ZNF213: variants seen among roughly 807,000 people sequenced by gnomAD.
ZNF213 encodes the protein putative transcription factor CR53.
A neutral mutation model predicts 46.0 loss-of-function variants in ZNF213; 32 were observed. The ratio of observed to expected loss-of-function variants is 0.70; its 90% CI spans 0.52 to 0.93. The LOEUF (loss-of-function observed/expected upper bound fraction) is 0.93, where lower values mean the gene tolerates loss of function less well. Ranked by LOEUF, ZNF213 falls within the 40% of genes least tolerant of loss-of-function variation. The pLI is 0.00. For missense variants in ZNF213, 639 were observed against 652.8 expected (o/e 0.98, Z 0.23); for synonymous variants, 297 against 271.0 (o/e 1.10, Z -0.94).
At chr16:3,139,374 T>C in intron 5 of ZNF213, 1 of 432,542 alleles carries the variant, frequency 2.3e-6, no homozygotes, top group Non-Finnish European at 4.2e-6. Context: ...TGTCCCCATT[T>C]TACGCATAAG....
intron 1 of ZNF213, among the ~76,000 whole-genome samples, chr16:3,136,488 C>G (rs1262247936): frequency 6.6e-6 from 1 of 152,110 alleles, no homozygotes; most frequent in Non-Finnish European, 1.5e-5. Context: ...GAGGCCGAGG[C>G]GGGTGGATCA....
intron 2 of ZNF213, 175 bp downstream of exon 2, chr16:3,137,854 A>C (rs925203376): frequency 1.3e-6 from 1 of 780,948 alleles, no homozygotes; most frequent in African/African-American, 1.8e-5. Context: ...GATGCGATCC[A>C]AAGTAAATGT....
chr16:3,138,712 T>G, intron 3 of ZNF213, 33 bp from the exon 4 acceptor site: 1 of 1,613,754 alleles, frequency 6.2e-7, no homozygotes, highest in Non-Finnish European at 8.5e-7. Flanking sequence ...AAGCCTGGGC[T>G]GGCCTTTCTA....
At position 3,142,162 on chromosome 16, in the gene ZNF213, C is replaced by T; in HGVS notation, c.*815C>T. 1 of 213,386 alleles carries T rather than the reference C, an allele frequency of 4.7e-6. No homozygotes were observed. The highest frequency in any genetic ancestry group is 5.0e-5 in the South Asian group (1 of 19,952). The allele number at this position is 213,386 out of a possible 1,614,324, so 13.2% of individuals were successfully genotyped here. On this transcript the variant is annotated 3_prime_UTR_variant, in exon 6 of 6. Coordinates refer to ENST00000396878, the MANE Select transcript of ZNF213 (RefSeq NM_004220.3). ...CAGCACTAGCACCTCACTCCATCAG[C>T]ACTAGCACCTCACTCCATCGGCCCC... is the stretch of plus-strand genomic sequence containing the variant.
chr16:3,138,166 C>T (rs1246566959), intron 2 of ZNF213: 2 of 638,860 alleles, frequency 3.1e-6, no homozygotes, highest in South Asian at 2.1e-5. Flanking sequence ...CCAGCTACCC[C>T]CTTGCTAAGT....
At chr16:3,139,284 G>A (rs1596307182) in intron 5 of ZNF213, 186 bp downstream of exon 5, 5 of 840,606 alleles carry the variant, frequency 5.9e-6, no homozygotes, top group Admixed American at 3.1e-5. Flanking sequence ...AGCATGGGAC[G>A]GCGCCGGCGC....
chr16:3,137,123 C>A, intron 1 of ZNF213, 43 bp from the exon 2 acceptor site: 1 of 967,006 alleles, frequency 1.0e-6, no homozygotes, highest in Non-Finnish European at 1.5e-6. Context: ...TCGTGTATTC[C>A]ACATCCTTCC....
chr16:3,140,783 G>A lies in ZNF213; in HGVS notation c.816G>A (p.Trp272Ter). Reference sequence around the variant, plus strand: ...CAGGCAGCGACGTGACTGTGTCCTGGAGCCCCGAGGAGGCTGAGGCCTGGG... The same window carrying A: ...CAGGCAGCGACGTGACTGTGTCCTGAAGCCCCGAGGAGGCTGAGGCCTGGG... ...GQTGSDVTVSWSPEEAEAWES... is the reference protein window; with the variant it reads ...GQTGSDVTVS Residue 272 changes from tryptophan (W) to a stop codon, truncating the protein, a stop_gained, in exon 6 of 6, where the codon TGG becomes TGA. Transcript: ENST00000396878. LOFTEE classifies it high-confidence loss of function. 6.3e-7 allele frequency: 1 copy of A among 1,592,450 alleles called. No individual in the cohort carries two copies. The highest frequency in any genetic ancestry group is 2.3e-5 in the East Asian group (1 of 44,020).
In ZNF213 at chr16:3,139,195, AG is replaced by A. The variant is rs1268165049; in HGVS notation, c.721+99del. On this transcript the variant is annotated intron_variant, in intron 5 of 5. Coordinates refer to ENST00000396878, the MANE Select transcript of ZNF213 (RefSeq NM_004220.3). ...CCCCATCCTTAGCTGGTTCCAAAGCAGGCTCTCCCTAGGTCTTGCCAGGAGC... is the reference window on the plus strand; with the variant it reads ...CCCCATCCTTAGCTGGTTCCAAAGCAGCTCTCCCTAGGTCTTGCCAGGAGC... 19 of 1,537,250 alleles carry A rather than the reference AG, an allele frequency of 1.2e-5. No individual in the cohort carries two copies. In the East Asian group the frequency reaches 3.8e-4, roughly 31 times the overall value.
chr16:3,141,211 A>T lies in ZNF213; in HGVS notation c.1244A>T (p.Tyr415Phe), dbSNP rs747108568. The T allele has an allele frequency of 1.2e-6, 2 of 1,612,548 alleles. No homozygotes were observed. Among genetic ancestry groups the T allele is most frequent in the South Asian group, 2.2e-5 (2 of 91,072 alleles). Residue 415 changes from tyrosine to phenylalanine, a missense_variant, in exon 6 of 6, where the codon TAC becomes TTC. Coordinates refer to ENST00000396878, the MANE Select transcript of ZNF213 (RefSeq NM_004220.3). ...DCGKSFSLRS[Y>F]LLDHRRVHTG... is the part of the protein sequence containing the mutation. The stretch of plus-strand genomic sequence containing the variant: ...GGCAAGAGCTTCTCGCTGCGCTCCT[A>T]CCTGCTGGACCATCGGCGTGTGCAC...
chr16:3,141,085 T>G lies in ZNF213; in HGVS notation c.1118T>G (p.Phe373Cys), dbSNP rs1555449711. ...HQGVHTGEKP[F>C]SCSECGKSFS... ...GGCGTGCACACGGGCGAGAAGCCCT[T>G]CTCCTGTTCCGAGTGCGGCAAGAGC... Residue 373 changes from phenylalanine (F) to cysteine (C), a missense_variant, in exon 6 of 6, where the codon TTC becomes TGC. Coordinates refer to ENST00000396878, the MANE Select transcript of ZNF213 (RefSeq NM_004220.3). 1 of 1,612,724 alleles carries G rather than the reference T, an allele frequency of 6.2e-7. No individual in the cohort carries two copies. The highest frequency in any genetic ancestry group is 1.1e-5 in the South Asian group (1 of 91,040).
intron 5 of ZNF213, chr16:3,139,483 C>G: frequency 5.2e-6 from 1 of 192,978 alleles, no homozygotes; most frequent in Non-Finnish European, 1.1e-5. Context: ...AGCAGGGGTG[C>G]TGACGGGGAA....
chr16:3,139,136 C>T (rs1300665927), intron 5 of ZNF213, 38 bp downstream of exon 5: 3 of 1,604,274 alleles, frequency 1.9e-6, no homozygotes, highest in Non-Finnish European at 2.5e-6. Context: ...GCTGGCCGCC[C>T]CCGATTCTGC....
At position 3,141,356 on chromosome 16, in the gene ZNF213, C is replaced by A; in HGVS notation, c.*9C>A. ...CCCAGCCCGTGGGGTGAGCAGCTGGCTTGGCCGGAAACCCGGGGGAGGCCC... is the reference window on the plus strand; with the variant it reads ...CCCAGCCCGTGGGGTGAGCAGCTGGATTGGCCGGAAACCCGGGGGAGGCCC... On this transcript the variant is annotated 3_prime_UTR_variant, in exon 6 of 6. Coordinates refer to ENST00000396878, the MANE Select transcript of ZNF213 (RefSeq NM_004220.3). 6.5e-7 allele frequency: 1 copy of A among 1,530,666 alleles called. No homozygotes were observed. The allele number at this position is 1,530,666 out of a possible 1,614,324, so 94.8% of individuals were successfully genotyped here.
At chr16:3,138,676 C>A in intron 3 of ZNF213, 69 bp from the exon 4 acceptor site, 2 of 1,611,228 alleles carry the variant, frequency 1.2e-6, no homozygotes, top group South Asian at 2.2e-5. Context: ...TGCGCACAGG[C>A]TGGGGAGGCC....
rs767484983 is a variant in ZNF213 at position 3,137,565 on chromosome 16, A to G, written c.285A>G (p.Thr95=). 6 of 1,613,964 alleles carry G rather than the reference A, an allele frequency of 3.7e-6. No individual in the cohort carries two copies. The highest frequency in any genetic ancestry group is 1.3e-5 in the African/African-American group (1 of 74,942). Residue 95 remains threonine, a synonymous_variant, in exon 2 of 6, where the codon ACA becomes ACG. Coordinates refer to ENST00000396878, the MANE Select transcript of ZNF213 (RefSeq NM_004220.3). ...LELLVLEQFL[T]VLPGEIQGWV... ...TGCTGGTGCTGGAGCAGTTCCTGAC[A>G]GTGCTGCCAGGGGAGATCCAGGGCT...
At position 3,141,619 on chromosome 16, in the gene ZNF213, C is replaced by G; in HGVS notation, c.*272C>G. ...TCTTCCCCTCTAGTTTCCTGGAGCC[C>G]CAACACATTCCTGGCAGGGACAGCA... is the stretch of plus-strand genomic sequence containing the variant. On this transcript the variant is annotated 3_prime_UTR_variant, in exon 6 of 6. Transcript: ENST00000396878. 4.1e-6 allele frequency: 2 copies of G among 484,758 alleles called. No individual in the cohort carries two copies. The highest frequency in any genetic ancestry group is 7.3e-6 in the Non-Finnish European group (2 of 275,750). The allele number at this position is 484,758 out of a possible 1,614,324, so 30.0% of individuals were successfully genotyped here.
rs1248000153 is a variant in ZNF213 at position 3,140,721 on chromosome 16, C to G, written c.754C>G (p.Leu252Val). 2.6e-6 allele frequency: 4 copies of G among 1,523,992 alleles called. No individual in the cohort carries two copies. Among genetic ancestry groups the G allele is most frequent in the Non-Finnish European group, 3.5e-6 (4 of 1,142,196 alleles). 94.4% of individuals were successfully genotyped at this position (1,523,992 alleles called of 1,614,324 possible). Residue 252 changes from leucine (L) to valine (V), a missense_variant, in exon 6 of 6, where the codon CTG (leucine) becomes GTG (valine). Transcript: ENST00000396878. ...GCTCAAAGGCCAAAGTGAGAAGTCCCTGCTGCAGGAGATGGTGCCGGTGGT... is the reference window on the plus strand; with the variant it reads ...GCTCAAAGGCCAAAGTGAGAAGTCCGTGCTGCAGGAGATGGTGCCGGTGGT... ...FGLKGQSEKS[L>V]LQEMVPVVPG...
At chr16:3,139,218 G>A (rs1452148322) in intron 5 of ZNF213, 120 bp downstream of exon 5, 1 of 1,428,606 alleles carries the variant, frequency 7.0e-7, no homozygotes, top group East Asian at 2.3e-5. Flanking sequence ...GTCTTGCCAG[G>A]AGCCTGAGTA....
Sources: allele counts gnomAD v4.1 joint callset (sites outside exome capture counted in the v4.1 genomes callset), GRCh38; gene constraint gnomAD v4.1.1; transcripts MANE v1.5; gene names NCBI Gene and HGNC (gene_info 2026-07-23, HGNC 2026-07-21).